Variants in VAMP4 observed in about 807,000 individuals in gnomAD.
VAMP4 encodes vesicle-associated membrane protein 4.
In VAMP4, 19 loss-of-function variants were observed where a neutral mutation model predicts 23.5. The ratio of observed to expected loss-of-function variants is 0.81; its 90% CI spans 0.56 to 1.19. The LOEUF is 1.19. Ranked by LOEUF, VAMP4 falls within the 50% of genes most tolerant of loss-of-function variation. The pLI is 0.00. For missense variants in VAMP4, 145 were observed against 168.6 expected, an observed-to-expected ratio of 0.86 and a Z score of 0.78; for synonymous variants, 31 against 51.0, an observed-to-expected ratio of 0.61 and a Z score of 1.67.
intron 3 of VAMP4, among the ~76,000 whole-genome samples, chr1:171,720,998 G>A (rs1351901908): frequency 6.6e-6 from 1 of 151,944 alleles, no homozygotes; most frequent in Non-Finnish European, 1.5e-5. Flanking sequence ...CAAATGCAAC[G>A]ACGGTTTAAA....
intron 3 of VAMP4, 91 bp downstream of exon 3, chr1:171,728,433 C>A: frequency 1.9e-6 from 2 of 1,069,898 alleles, no homozygotes; most frequent in Non-Finnish European, 2.6e-6. Context: ...GAGACTACTG[C>A]ATATCTGTCA....
intron 4 of VAMP4, among the ~76,000 whole-genome samples, chr1:171,717,730 C>A (rs572611790): frequency 1.3e-5 from 2 of 152,072 alleles, no homozygotes; most frequent in African/African-American, 2.4e-5. Flanking sequence ...GGATTACAGG[C>A]GTGAAACACT....
chr1:171,707,932 G>A (rs1311629376), intron 6 of VAMP4, among the ~76,000 whole-genome samples: 1 of 152,150 alleles, frequency 6.6e-6, no homozygotes, highest in Non-Finnish European at 1.5e-5. Context: ...GAGTTTGGGA[G>A]AGAGAAGGGG....
At chr1:171,726,381 A>G (rs1490501084) in intron 3 of VAMP4, among the ~76,000 whole-genome samples, 3 of 152,214 alleles carry the variant, frequency 2.0e-5, no homozygotes, top group African/African-American at 7.2e-5. Context: ...GTAAGAGGTA[A>G]ATGTTTCCTC....
At chr1:171,714,588 A>G (rs1421427877) in intron 4 of VAMP4, among the ~76,000 whole-genome samples, 2 of 152,198 alleles carry the variant, frequency 1.3e-5, no homozygotes, top group African/African-American at 2.4e-5. Context: ...ACTCGCCAAC[A>G]TGGCAAAACC....
chr1:171,738,477 T>C lies in VAMP4; in HGVS notation c.-49-14A>G. 4 of 1,529,848 alleles carry C rather than the reference T, an allele frequency of 2.6e-6. No individual in the cohort carries two copies. Among genetic ancestry groups the C allele is most frequent in the Non-Finnish European group, 3.6e-6 (4 of 1,109,682 alleles). 94.8% of individuals were successfully genotyped at this position (1,529,848 alleles called of 1,614,324 possible). ...GATAGTCACCACCTTAAAGAGAAAATAAATTTCATCAGATTTGAGACTTTG... is the reference window on the plus strand; with the variant it reads ...GATAGTCACCACCTTAAAGAGAAAACAAATTTCATCAGATTTGAGACTTTG... On this transcript the variant is annotated splice_polypyrimidine_tract_variant and intron_variant, in intron 1 of 7. Transcript: ENST00000236192.
intron 4 of VAMP4, among the ~76,000 whole-genome samples, chr1:171,716,872 G>C (rs1311118929): frequency 6.6e-6 from 1 of 152,198 alleles, no homozygotes; most frequent in African/African-American, 2.4e-5. Flanking sequence ...ATGCATGCTT[G>C]ATGAACGACC....
At position 171,730,944 on chromosome 1, in the gene VAMP4, C is replaced by T. The variant is rs923880963; in HGVS notation, c.67-2374G>A. 7.2e-5 allele frequency among the ~76,000 whole-genome samples: 11 copies of T among 152,112 alleles called. No homozygotes were observed. In the East Asian group the frequency reaches 1.9e-3, roughly 27 times the overall value. On this transcript the variant is annotated intron_variant, in intron 2 of 7. Coordinates refer to ENST00000236192, the MANE Select transcript of VAMP4 (RefSeq NM_003762.5). ...ATTCGGCTGGGCGCAGTGGCTCACG[C>T]CTGTAATCCCAGCACTTTGGGAGGC...
chr1:171,709,577 T>C, intron 6 of VAMP4, 88 bp downstream of exon 6: 1 of 1,207,112 alleles, frequency 8.3e-7, no homozygotes, highest in Non-Finnish European at 1.2e-6. Flanking sequence ...CTCACAGAGG[T>C]TATGCTCTAG....
At chr1:171,729,458 A>G (rs1220548397) in intron 2 of VAMP4, among the ~76,000 whole-genome samples, 1 of 152,314 alleles carries the variant, frequency 6.6e-6, no homozygotes, top group East Asian at 1.9e-4. Flanking sequence ...TTTGTGCATG[A>G]AACAAAGTTT....
chr1:171,706,393 G>A lies in VAMP4; in HGVS notation c.371C>T (p.Ala124Val). ...GATAATCACTAGCAAAAGGATAGCA[G>A]CAACCAAAGCCATGATGGCTTTTAT... is the stretch of plus-strand genomic sequence containing the variant. Reference protein sequence around the residue: ...CKIKAIMALVAAILLLVIIIL... With the variant: ...CKIKAIMALVVAILLLVIIIL... The change falls in exon 7 of 8, where the codon GCT (alanine) becomes GTT (valine). Residue 124 changes from alanine to valine, a missense_variant. Ala to Val is a moderately conservative substitution (Grantham distance 64). Coordinates refer to ENST00000236192, the MANE Select transcript of VAMP4 (RefSeq NM_003762.5). 1 of 1,609,218 alleles carries A rather than the reference G, an allele frequency of 6.2e-7. No homozygotes were observed. The highest frequency in any genetic ancestry group is 8.5e-7 in the Non-Finnish European group (1 of 1,177,556).
At chr1:171,727,900 A>G (rs1428786891) in intron 3 of VAMP4, among the ~76,000 whole-genome samples, 1 of 152,238 alleles carries the variant, frequency 6.6e-6, no homozygotes, top group Admixed American at 6.5e-5. Context: ...CAGAAAGCAG[A>G]GCACTGGTTG....
At chr1:171,728,001 T>C (rs1010679907) in intron 3 of VAMP4, among the ~76,000 whole-genome samples, 2 of 152,208 alleles carry the variant, frequency 1.3e-5, no homozygotes, top group African/African-American at 4.8e-5. Context: ...GGTGATGATG[T>C]CACAGGTACA....
intron 2 of VAMP4, among the ~76,000 whole-genome samples, chr1:171,737,442 T>C (rs547888875): frequency 2.0e-5 from 3 of 152,240 alleles, no homozygotes; most frequent in African/African-American, 4.8e-5. Flanking sequence ...TATATTTGCA[T>C]AGAATGTTCT....
intron 2 of VAMP4, 34 bp downstream of exon 2, chr1:171,738,315 C>T (rs1355212872): frequency 2.5e-6 from 4 of 1,605,472 alleles, no homozygotes; most frequent in Non-Finnish European, 3.4e-6. Context: ...TATTTTGAAT[C>T]TTTTGTTTTT....
intron 3 of VAMP4, among the ~76,000 whole-genome samples, chr1:171,720,665 T>TA (rs1322505745): frequency 6.6e-6 from 1 of 152,042 alleles, no homozygotes; most frequent in African/African-American, 2.4e-5. Flanking sequence ...AAATTATTTT[T>TA]AAAAAATCCC....
chr1:171,716,346 T>C (rs1440284767), intron 4 of VAMP4, among the ~76,000 whole-genome samples: 1 of 152,212 alleles, frequency 6.6e-6, no homozygotes, highest in African/African-American at 2.4e-5. Flanking sequence ...CTTATATAAA[T>C]GAAACCTTAA....
At chr1:171,709,820 A>G (rs1454299697) in intron 5 of VAMP4, 76 bp from the exon 6 acceptor site, 1 of 1,190,808 alleles carries the variant, frequency 8.4e-7, no homozygotes, top group Admixed American at 1.7e-5. Context: ...CAAAGATAAG[A>G]AAATATTAAT....
chr1:171,715,492 C>T (rs1171580046), intron 4 of VAMP4, among the ~76,000 whole-genome samples: 3 of 152,154 alleles, frequency 2.0e-5, no homozygotes, highest in East Asian at 1.9e-4. Context: ...TCCCTTACTA[C>T]GTATGTGACT....
Sources: gnomAD v4.1 joint callset for allele counts (sites outside exome capture counted in the v4.1 genomes callset) on GRCh38, gnomAD v4.1.1 for gene constraint, MANE v1.5 for transcripts, NCBI Gene and HGNC (gene_info 2026-07-23, HGNC 2026-07-21) for gene names.